Variants in RCAN2 observed in about 807,000 individuals in gnomAD.
RCAN2 encodes the protein regulator of calcineurin 2, also known as calcipressin-2.
RCAN2 carries 9 observed loss-of-function variants against 23.6 expected under a neutral mutation model. The ratio of observed to expected loss-of-function variants is 0.38; its 90% CI spans 0.23 to 0.67. The LOEUF (loss-of-function observed/expected upper bound fraction) is 0.67. RCAN2 is among the 30% of genes least tolerant of loss of function. The probability of loss-of-function intolerance (pLI) is 0.51; values close to 1 mark genes in which losing one functional copy is unlikely to be tolerated. For missense variants in RCAN2, 273 were observed against 302.3 expected, an observed-to-expected ratio of 0.90 and a Z score of 0.72; for synonymous variants, 109 against 115.7, an observed-to-expected ratio of 0.94 and a Z score of 0.37.
At chr6:46,331,710 A>T (rs757757490) in intron 2 of RCAN2, among the ~76,000 whole-genome samples, 1 of 152,196 alleles carries the variant, frequency 6.6e-6, no homozygotes, top group Admixed American at 6.5e-5. Flanking sequence ...AGCTCTTTGT[A>T]CTGGGTTGGG....
intron 2 of RCAN2, 69 bp from the exon 3 acceptor site, chr6:46,248,965 T>TA: frequency 8.9e-7 from 1 of 1,121,858 alleles, no homozygotes; most frequent in East Asian, 2.6e-5. Flanking sequence ...TCATATCTGA[T>TA]AAAAACAAAC....
chr6:46,478,500 C>G (rs1458704983), intron 1 of RCAN2, among the ~76,000 whole-genome samples: 1 of 152,174 alleles, frequency 6.6e-6, no homozygotes, highest in Non-Finnish European at 1.5e-5. Context: ...TGGCACTGCT[C>G]TTAAGCTAGC....
intron 2 of RCAN2, among the ~76,000 whole-genome samples, chr6:46,369,959 G>A (rs1254327414): frequency 1.3e-5 from 2 of 152,142 alleles, no homozygotes; most frequent in Admixed American, 1.3e-4. Flanking sequence ...CTCATAGCAA[G>A]CAATCAGGAG....
intron 2 of RCAN2, among the ~76,000 whole-genome samples, chr6:46,426,331 T>C (rs1018458237): frequency 6.6e-6 from 1 of 152,226 alleles, no homozygotes; most frequent in Non-Finnish European, 1.5e-5. Context: ...CACAATTGCA[T>C]TTCATTATGT....
chr6:46,234,508 T>C (rs1766021092), intron 4 of RCAN2, among the ~76,000 whole-genome samples: 1 of 152,180 alleles, frequency 6.6e-6, no homozygotes, highest in South Asian at 2.1e-4. Flanking sequence ...GGTCCCACCA[T>C]GGTGCAGTGA....
intron 2 of RCAN2, among the ~76,000 whole-genome samples, chr6:46,253,545 T>C (rs188140914): frequency 2.0e-4 from 30 of 152,384 alleles, no homozygotes; most frequent in Admixed American, 1.0e-3. Flanking sequence ...TCCATTTTTT[T>C]ACTCAGAATA....
intron 4 of RCAN2, among the ~76,000 whole-genome samples, chr6:46,235,462 G>T (rs1474827840): frequency 1.3e-5 from 2 of 152,126 alleles, no homozygotes; most frequent in Non-Finnish European, 2.9e-5. Context: ...CCCAGTTCCT[G>T]CCCTATGAGG....
chr6:46,455,864 A>AAAAAG (rs1554142604), intron 2 of RCAN2, among the ~76,000 whole-genome samples: 13 of 151,120 alleles, frequency 8.6e-5, no homozygotes, highest in African/African-American at 2.2e-4. Context: ...TAAAAAAAAA[A>AAAAAG]AAAGAAAGAA....
At chr6:46,296,161 G>A (rs1281565730) in intron 2 of RCAN2, among the ~76,000 whole-genome samples, 1 of 151,078 alleles carries the variant, frequency 6.6e-6, no homozygotes, top group Admixed American at 6.6e-5. Context: ...GGGAAAGCTG[G>A]TCAGAGCATG....
intron 2 of RCAN2, among the ~76,000 whole-genome samples, chr6:46,407,406 GTGA>G (rs1299999383): frequency 3.3e-5 from 5 of 152,318 alleles, no homozygotes; most frequent in African/African-American, 1.2e-4. Context: ...GAAAAAGCCA[GTGA>G]TGATGTAAAC....
At chr6:46,387,605 A>G (rs1765795536) in intron 2 of RCAN2, among the ~76,000 whole-genome samples, 1 of 152,194 alleles carries the variant, frequency 6.6e-6, no homozygotes, top group Admixed American at 6.5e-5. Flanking sequence ...AGGAAACAAC[A>G]GGTGCTGGAG....
At chr6:46,239,242 C>T (rs1442748171) in intron 4 of RCAN2, among the ~76,000 whole-genome samples, 1 of 152,218 alleles carries the variant, frequency 6.6e-6, no homozygotes, top group Admixed American at 6.5e-5. Flanking sequence ...TGGTAGCTGC[C>T]TATTCACAAG....
At chr6:46,230,449 G>A (rs1338399744) in intron 4 of RCAN2, among the ~76,000 whole-genome samples, 2 of 152,148 alleles carry the variant, frequency 1.3e-5, no homozygotes, top group East Asian at 1.9e-4. Context: ...TGGCTGCTTT[G>A]TTTATCTACT....
At chr6:46,364,005 A>G (rs540227067) in intron 2 of RCAN2, among the ~76,000 whole-genome samples, 2 of 152,274 alleles carry the variant, frequency 1.3e-5, no homozygotes, top group Admixed American at 1.3e-4. Flanking sequence ...ACCAGAAAAA[A>G]ATTCACTGAA....
chr6:46,351,252 A>C (rs1764638415), intron 2 of RCAN2, among the ~76,000 whole-genome samples: 1 of 152,176 alleles, frequency 6.6e-6, no homozygotes, highest in South Asian at 2.1e-4. Context: ...TATTGACAGA[A>C]TCCTTCCAGC....
intron 4 of RCAN2, among the ~76,000 whole-genome samples, chr6:46,225,405 T>C (rs1765627710): frequency 6.6e-6 from 1 of 152,236 alleles, no homozygotes; most frequent in African/African-American, 2.4e-5. Context: ...ACCAACAGTG[T>C]AAAAGTGTTC....
At chr6:46,480,194 T>A (rs1768818084) in intron 1 of RCAN2, among the ~76,000 whole-genome samples, 1 of 152,160 alleles carries the variant, frequency 6.6e-6, no homozygotes, top group Non-Finnish European at 1.5e-5. Flanking sequence ...CCAGTATAAT[T>A]ATAGGAGAGT....
At chr6:46,479,724 A>T (rs1768805683) in intron 1 of RCAN2, among the ~76,000 whole-genome samples, 1 of 151,730 alleles carries the variant, frequency 6.6e-6, no homozygotes, top group Non-Finnish European at 1.5e-5. Flanking sequence ...CTGGGACTAC[A>T]GGCACTCACC....
chr6:46,244,241 A>G (rs1021181398), intron 4 of RCAN2, among the ~76,000 whole-genome samples: 5 of 152,096 alleles, frequency 3.3e-5, no homozygotes, highest in African/African-American at 1.2e-4. Context: ...GTTATTTACC[A>G]CTCCGAGCTC....
Sources: gnomAD v4.1 joint callset for allele counts (sites outside exome capture counted in the v4.1 genomes callset) on GRCh38, gnomAD v4.1.1 for gene constraint, MANE v1.5 for transcripts, NCBI Gene and HGNC (gene_info 2026-07-23, HGNC 2026-07-21) for gene names.